CCSER1: variants seen among roughly 807,000 people sequenced by gnomAD.
CCSER1 encodes coiled-coil serine rich protein 1.
CCSER1 carries 41 observed loss-of-function variants against 82.0 expected under a neutral mutation model. The observed-to-expected ratio is 0.50, with a 90% CI of 0.39 to 0.65. CCSER1 has a LOEUF of 0.65. Ranked by LOEUF, CCSER1 falls within the 30% of genes least tolerant of loss-of-function variation. The pLI, the probability that CCSER1 is intolerant of heterozygous loss-of-function variation, is 0.00. For synonymous variants in CCSER1, 414 were observed against 383.9 expected (o/e 1.08, Z -0.92); for missense variants, 1,119 against 1,064.2 (o/e 1.05, Z -0.72).
At chr4:90,690,668 A>G (rs1735654514) in intron 6 of CCSER1, among the ~76,000 whole-genome samples, 1 of 151,964 alleles carries the variant, frequency 6.6e-6, no homozygotes, top group Non-Finnish European at 1.5e-5. Flanking sequence ...TTCTTTCCTC[A>G]TGCATAAGTG....
chr4:91,074,333 T>G (rs1289307182), intron 9 of CCSER1, among the ~76,000 whole-genome samples: 1 of 152,222 alleles, frequency 6.6e-6, no homozygotes. Context: ...TTTTTATAAC[T>G]GAAATAGTAA....
At chr4:90,501,702 G>A (rs2153612088) in intron 5 of CCSER1, among the ~76,000 whole-genome samples, 1 of 152,214 alleles carries the variant, frequency 6.6e-6, no homozygotes, top group Middle Eastern at 3.4e-3. Context: ...TGTTGTTGTG[G>A]AAAACATTGG....
At chr4:91,571,789 A>G (rs982372349) in intron 10 of CCSER1, among the ~76,000 whole-genome samples, 1 of 152,084 alleles carries the variant, frequency 6.6e-6, no homozygotes, top group Admixed American at 6.6e-5. Context: ...CAATCAGCCT[A>G]GGATGGAGGG....
rs1228658579 is a variant in CCSER1, at chr4:91,365,344, C to A, written c.2218-233228C>A. ...TTCCAAGAGAGAAAGGATTCTATAT[C>A]ATGAAATGCCCTGTACGTTTTTGAT... On this transcript the variant is annotated intron_variant, in intron 10 of 10. Transcript: ENST00000509176. Among the ~76,000 whole-genome samples the A allele has an allele frequency of 2.0e-5, 3 of 152,152 alleles. No individual in the cohort carries two copies. In the East Asian group the frequency reaches 5.8e-4, roughly 29 times the overall value.
chr4:91,510,389 A>C (rs1268458817), intron 10 of CCSER1, among the ~76,000 whole-genome samples: 2 of 152,098 alleles, frequency 1.3e-5, no homozygotes, highest in Non-Finnish European at 2.9e-5. Flanking sequence ...TTCTATTTTT[A>C]GTTCTTTGAG....
chr4:90,616,727 ACACACACACAC>A (rs1178285722), intron 5 of CCSER1, among the ~76,000 whole-genome samples: 1,328 of 97,828 alleles, frequency 0.014, 24 homozygotes, highest in African/African-American at 0.048. Context: ...ACACACACAC[ACACACACACAC>A]AAATAAAATA....
intron 5 of CCSER1, among the ~76,000 whole-genome samples, chr4:90,484,843 A>G (rs1365571581): frequency 6.6e-6 from 1 of 152,232 alleles, no homozygotes; most frequent in Non-Finnish European, 1.5e-5. Context: ...TTGAGGAGAC[A>G]GTCTGCTCAT....
At chr4:90,534,100 G>A (rs369471185) in intron 5 of CCSER1, among the ~76,000 whole-genome samples, 78 of 152,256 alleles carry the variant, frequency 5.1e-4, no homozygotes, top group African/African-American at 1.7e-3. Flanking sequence ...ACTAGGCTAG[G>A]CACTTGGAAC....
At chr4:90,493,738 C>A (rs373079342) in intron 5 of CCSER1, among the ~76,000 whole-genome samples, 2,138 of 152,066 alleles carry the variant, frequency 0.014, 32 homozygotes, top group African/African-American at 0.042. Context: ...CACCACCGCT[C>A]CTGCCCTAAA....
At chr4:91,200,972 G>A (rs1016289569) in intron 10 of CCSER1, among the ~76,000 whole-genome samples, 3 of 151,882 alleles carry the variant, frequency 2.0e-5, no homozygotes, top group Non-Finnish European at 4.4e-5. Flanking sequence ...GAAATATCTG[G>A]TTGGCTAAAT....
chr4:90,789,326 G>A (rs1427602924), intron 7 of CCSER1, among the ~76,000 whole-genome samples: 1 of 152,014 alleles, frequency 6.6e-6, no homozygotes, highest in Non-Finnish European at 1.5e-5. Flanking sequence ...AAGCTATTGT[G>A]ACACCCTAAT....
intron 10 of CCSER1, among the ~76,000 whole-genome samples, chr4:91,466,925 C>T (rs1560694677): frequency 6.6e-6 from 1 of 152,188 alleles, no homozygotes; most frequent in Non-Finnish European, 1.5e-5. Flanking sequence ...AATGGCCATA[C>T]TGCCCAAGGT....
chr4:91,461,987 T>C (rs2149432033), intron 10 of CCSER1, among the ~76,000 whole-genome samples: 1 of 152,288 alleles, frequency 6.6e-6, no homozygotes, highest in African/African-American at 2.4e-5. Flanking sequence ...ATTTAATGTG[T>C]TTCATCATAA....
chr4:91,139,817 C>T (rs914979744), intron 10 of CCSER1, among the ~76,000 whole-genome samples: 8 of 152,074 alleles, frequency 5.3e-5, no homozygotes, highest in Non-Finnish European at 1.5e-5. Flanking sequence ...ATACCAATTG[C>T]TTCTCTGAAA....
At chr4:91,164,970 A>G (rs1007146598) in intron 10 of CCSER1, among the ~76,000 whole-genome samples, 3 of 152,002 alleles carry the variant, frequency 2.0e-5, no homozygotes, top group Non-Finnish European at 2.9e-5. Flanking sequence ...CCTTTTTTCC[A>G]TTGCTGGCGA....
chr4:90,156,166 C>T (rs1728106419), intron 1 of CCSER1, among the ~76,000 whole-genome samples: 1 of 152,110 alleles, frequency 6.6e-6, no homozygotes, highest in Non-Finnish European at 1.5e-5. Context: ...GTTCAGTTTC[C>T]ATGTAATTGA....
chr4:90,624,492 C>T (rs1431675033), intron 5 of CCSER1, among the ~76,000 whole-genome samples: 1 of 152,138 alleles, frequency 6.6e-6, no homozygotes, highest in East Asian at 1.9e-4. Context: ...TATATGTTTT[C>T]CCATTAAACT....
At chr4:91,019,214 C>T (rs1023582372) in intron 9 of CCSER1, among the ~76,000 whole-genome samples, 7 of 150,782 alleles carry the variant, frequency 4.6e-5, no homozygotes, top group African/African-American at 1.7e-4. Flanking sequence ...TTTTCTTATG[C>T]CTCTATAAAC....
At chr4:90,669,627 A>G (rs910774705) in intron 6 of CCSER1, among the ~76,000 whole-genome samples, 4 of 152,094 alleles carry the variant, frequency 2.6e-5, no homozygotes, top group African/African-American at 7.2e-5. Flanking sequence ...AAAGCAACTA[A>G]CAATTGAGTC....
Sources: allele counts gnomAD v4.1 joint callset (sites outside exome capture counted in the v4.1 genomes callset), GRCh38; gene constraint gnomAD v4.1.1; transcripts MANE v1.5; gene names NCBI Gene and HGNC (gene_info 2026-07-23, HGNC 2026-07-21).